The following ALDH1L1 variants were observed in gnomAD, a reference collection of about 807,000 sequenced individuals.
The protein encoded by ALDH1L1 is aldehyde dehydrogenase 1 family member L1.
Under a neutral mutation model 101.1 loss-of-function variants are expected in ALDH1L1, and 68 were observed. That is an observed-to-expected ratio of 0.67 (90% CI 0.55 to 0.82). The LOEUF (loss-of-function observed/expected upper bound fraction) is 0.82. Ranked by LOEUF, ALDH1L1 falls within the 40% of genes least tolerant of loss-of-function variation. The pLI is 0.00. For synonymous variants in ALDH1L1, 486 were observed against 470.8 expected (o/e 1.03, Z -0.42); for missense variants, 1,087 against 1,172.7 (o/e 0.93, Z 1.07).
At chr3:126,136,145 G>A (rs941451864) in intron 11 of ALDH1L1, among the ~76,000 whole-genome samples, 13 of 152,194 alleles carry the variant, frequency 8.5e-5, no homozygotes, top group African/African-American at 2.9e-4. Context: ...CTTTGCAGAT[G>A]AGTCTTTCAT....
intron 12 of ALDH1L1, among the ~76,000 whole-genome samples, chr3:126,133,202 C>T (rs1341888793): frequency 1.3e-5 from 2 of 152,160 alleles, no homozygotes; most frequent in African/African-American, 2.4e-5. Context: ...CTTTGCATAC[C>T]CAGAGGAACC....
In ALDH1L1 at chr3:126,146,900, T is replaced by G; in HGVS notation, c.1011A>C (p.Lys337Asn). The G allele has an allele frequency of 6.2e-7, 1 of 1,613,988 alleles. No individual in the cohort carries two copies. The highest frequency in any genetic ancestry group is 1.1e-5 in the South Asian group (1 of 91,004). The stretch of plus-strand genomic sequence containing the variant: ...CAGTGGAGTCTTCAACCTCCAGGAC[T>G]TTGGGGAGGATCCGCTGCCAAACAC... ...VRSVWQRILPKVLEVEDSTDF... is the reference protein window; with the variant it reads ...VRSVWQRILPNVLEVEDSTDF... Residue 337 changes from lysine (K) to asparagine (N), a missense_variant, in exon 9 of 23, where the codon AAA becomes AAC. By Grantham distance (94) the Lys-to-Asn change is moderately conservative. This residue lies in a region of ALDH1L1 where 645 missense variants were observed against 637.0 expected (regional missense o/e 1.01). Transcript: ENST00000393434.
At chr3:126,120,795 G>A (rs961758551) in intron 16 of ALDH1L1, among the ~76,000 whole-genome samples, 1 of 152,084 alleles carries the variant, frequency 6.6e-6, no homozygotes, top group African/African-American at 2.4e-5. Context: ...AATAATAATA[G>A]TAATAAAAAT....
In ALDH1L1 at chr3:126,157,469, G is replaced by T. The variant is rs200607977; in HGVS notation, c.402C>A (p.Ile134=). 1.5e-5 allele frequency: 24 copies of T among 1,614,114 alleles called. No homozygotes were observed. In the East Asian group the frequency reaches 4.7e-4, roughly 31 times the overall value. The change falls in exon 4 of 23, where the codon ATC becomes ATA. Residue 134 remains isoleucine, a synonymous_variant. Transcript: ENST00000393434. ...TGTCCAGACCATCATCCGCCCAGAA[G>T]ATGGAAAACCCCCCTTTCTTATCTC... is the stretch of plus-strand genomic sequence containing the variant. ...IHGDKKGGFS[I]FWADDGLDTG... is the part of the protein sequence containing the mutation.
intron 9 of ALDH1L1, among the ~76,000 whole-genome samples, chr3:126,138,871 T>C (rs184547700): frequency 2.0e-5 from 3 of 152,372 alleles, no homozygotes. Context: ...GGAACTTACA[T>C]GAATCAAATA....
chr3:126,126,547 G>C (rs1438074429), intron 14 of ALDH1L1, among the ~76,000 whole-genome samples: 1 of 151,472 alleles, frequency 6.6e-6, no homozygotes, highest in African/African-American at 2.4e-5. Context: ...CATCAGGGGG[G>C]AGCAGCAGGG....
chr3:126,145,489 T>C (rs1377235757), intron 9 of ALDH1L1, among the ~76,000 whole-genome samples: 2 of 152,084 alleles, frequency 1.3e-5, no homozygotes, highest in East Asian at 3.9e-4. Flanking sequence ...TACAATGAAA[T>C]AGGATTCAGC....
chr3:126,169,872 A>G (rs1448127255), intron 1 of ALDH1L1, among the ~76,000 whole-genome samples: 1 of 152,226 alleles, frequency 6.6e-6, no homozygotes, highest in Non-Finnish European at 1.5e-5. Flanking sequence ...AGTAAAAATT[A>G]TGTTTCAAAA....
At chr3:126,146,189 A>C (rs2108270215) in intron 9 of ALDH1L1, among the ~76,000 whole-genome samples, 1 of 152,154 alleles carries the variant, frequency 6.6e-6, no homozygotes, top group Middle Eastern at 3.4e-3. Flanking sequence ...CAAGATGTGG[A>C]GTTTCTTTCC....
chr3:126,118,946 T>G (rs957479349), intron 16 of ALDH1L1, among the ~76,000 whole-genome samples: 2 of 152,106 alleles, frequency 1.3e-5, no homozygotes, highest in African/African-American at 4.8e-5. Context: ...GGTCTCCATC[T>G]CAACGAGACT....
chr3:126,181,076 T>A, upstream of ALDH1L1: 1 of 1,447,460 alleles, frequency 6.9e-7, no homozygotes, highest in Non-Finnish European at 9.4e-7. Flanking sequence ...TAGCGGCGCT[T>A]CTGCCCGCCC....
intron 1 of ALDH1L1, among the ~76,000 whole-genome samples, chr3:126,188,639 G>T (rs778640230): frequency 1.3e-5 from 2 of 152,140 alleles, no homozygotes; most frequent in Non-Finnish European, 2.9e-5. Context: ...CGTCATTTTA[G>T]ATATTCAGTC....
chr3:126,175,076 C>T (rs963445096), intron 1 of ALDH1L1, among the ~76,000 whole-genome samples: 5 of 151,994 alleles, frequency 3.3e-5, no homozygotes, highest in African/African-American at 1.2e-4. Context: ...AATACTGATC[C>T]TACGGTCATT....
In ALDH1L1 at chr3:126,149,623, A is replaced by T. The variant is rs531445233; in HGVS notation, c.984+783T>A. ...GCTCTCAGCACCTTTGGATCACACA[A>T]ATGCCTCATGTCCATCCTTGCTGAG... On this transcript the variant is annotated intron_variant, in intron 8 of 22. Transcript: ENST00000393434. 1.6e-4 allele frequency among the ~76,000 whole-genome samples: 25 copies of T among 152,298 alleles called. No homozygotes were observed. The South Asian group carries it at 5.0e-3, about 30-fold the overall frequency.
At chr3:126,142,329 C>A (rs981223612) in intron 9 of ALDH1L1, among the ~76,000 whole-genome samples, 1 of 152,192 alleles carries the variant, frequency 6.6e-6, no homozygotes, top group African/African-American at 2.4e-5. Flanking sequence ...GAGAACACAT[C>A]TTCAACTCTG....
upstream of ALDH1L1, among the ~76,000 whole-genome samples, chr3:126,183,711 T>A (rs531948118): frequency 1.1e-3 from 163 of 152,222 alleles, no homozygotes; most frequent in Non-Finnish European, 2.0e-3. Flanking sequence ...TTATGTCAGG[T>A]GGGTGCAGGG....
chr3:126,179,143 A>G lies in ALDH1L1; in HGVS notation c.-24+1333T>C, dbSNP rs775641631. Reference sequence around the variant, plus strand: ...GCCCATAGAGCCCCTTGTGGGCCGTATGGGCCGCCTCCAGGCCTCCACCTC... The same window carrying G: ...GCCCATAGAGCCCCTTGTGGGCCGTGTGGGCCGCCTCCAGGCCTCCACCTC... On this transcript the variant is annotated intron_variant, in intron 1 of 22. Coordinates refer to ENST00000393434, the MANE Select transcript of ALDH1L1 (RefSeq NM_012190.4). 6.5e-4 allele frequency among the ~76,000 whole-genome samples: 99 copies of G among 152,206 alleles called. 1 individual carries two copies. The highest frequency in any genetic ancestry group is 1.2e-3 in the Non-Finnish European group (82 of 68,024).
At chr3:126,105,632 C>T in intron 22 of ALDH1L1, 94 bp downstream of exon 22, 1 of 1,410,378 alleles carries the variant, frequency 7.1e-7, no homozygotes, top group Non-Finnish European at 1.0e-6. Context: ...GGCTACGTCC[C>T]TGCATCTGAG....
intron 17 of ALDH1L1, 88 bp downstream of exon 17, chr3:126,117,917 A>G (rs2080004773): frequency 7.7e-7 from 1 of 1,291,212 alleles, no homozygotes; most frequent in African/African-American, 1.5e-5. Context: ...GGAGCCTGGG[A>G]AGCAGGACAC....
Sources: allele counts gnomAD v4.1 joint callset (sites outside exome capture counted in the v4.1 genomes callset), GRCh38; gene constraint gnomAD v4.1.1; regional missense constraint gnomAD v4.1.1; transcripts MANE v1.5; gene names NCBI Gene and HGNC (gene_info 2026-07-23, HGNC 2026-07-21).